The following INHBA variants were observed in gnomAD, a reference collection of about 807,000 sequenced individuals.
The protein encoded by INHBA is inhibin subunit beta A.
A neutral mutation model predicts 29.0 loss-of-function variants in INHBA; 1 was observed. The observed-to-expected ratio is 0.03, with a 90% CI of 0.01 to 0.16. The LOEUF (loss-of-function observed/expected upper bound fraction) is 0.16. INHBA is among the 10% of genes least tolerant of loss of function. The pLI is 1.00. For missense variants in INHBA, 376 were observed against 545.4 expected (o/e 0.69, Z 3.09); for synonymous variants, 242 against 216.8 (o/e 1.12, Z -1.02).
chr7:41,688,304 A>G lies in INHBA; in HGVS notation c.*1346T>C, dbSNP rs2128668840. On this transcript the variant is annotated 3_prime_UTR_variant, in exon 3 of 3. Coordinates refer to ENST00000242208, the MANE Select transcript of INHBA (RefSeq NM_002192.4). ...TGAATTTGATTGAACTTGATATCCAACAGTGTACAACTACTGTACATCCAG... is the reference window on the plus strand; with the variant it reads ...TGAATTTGATTGAACTTGATATCCAGCAGTGTACAACTACTGTACATCCAG... The G allele has an allele frequency of 6.6e-6, 1 of 152,294 alleles. No individual in the cohort carries two copies. 9.4% of individuals were successfully genotyped at this position (152,294 alleles called of 1,614,324 possible).
In INHBA at chr7:41,690,000, C is replaced by G. The variant is rs35168740; in HGVS notation, c.931G>C (p.Gly311Arg). The G allele has an allele frequency of 6.2e-7, 1 of 1,614,076 alleles. No individual in the cohort carries two copies. Among genetic ancestry groups the G allele is most frequent in the Non-Finnish European group, 8.5e-7 (1 of 1,180,044 alleles). Residue 311 changes from glycine (G) to arginine (R), a missense_variant, in exon 3 of 3, where the codon GGC (glycine) becomes CGC (arginine). Gly to Arg is a moderately radical substitution (Grantham distance 125). Transcript: ENST00000242208. ...EDHPHRRRRR[G>R]LECDGKVNIC... ...TTGACCTTGCCATCACACTCCAAGC[C>G]CCGCCGACGCCGGCGATGAGGGTGG...
chr7:41,689,502 A>C lies in INHBA; in HGVS notation c.*148T>G. The C allele has an allele frequency of 1.4e-6, 1 of 739,680 alleles. No individual in the cohort carries two copies. Among genetic ancestry groups the C allele is most frequent in the Non-Finnish European group, 2.0e-6 (1 of 506,436 alleles). 45.8% of individuals were successfully genotyped at this position (739,680 alleles called of 1,614,324 possible). A position where few individuals can be genotyped will look rare whatever the true frequency, so the allele number is the denominator to read the frequency against. ...ATCTGTTTCATCAGGTTTTGTTTTT[A>C]ATTTACTTTTGTTTTTTTTTGTTTT... On this transcript the variant is annotated 3_prime_UTR_variant, in exon 3 of 3. Coordinates refer to ENST00000242208, the MANE Select transcript of INHBA (RefSeq NM_002192.4).
At position 41,688,046 on chromosome 7, in the gene INHBA, T is replaced by C. The variant is rs776101368; in HGVS notation, c.*1604A>G. 1 of 152,164 alleles carries C rather than the reference T, an allele frequency of 6.6e-6. No homozygotes were observed. The highest frequency in any genetic ancestry group is 2.1e-4 in the South Asian group (1 of 4,832). The allele number at this position is 152,164 out of a possible 1,614,324, so 9.4% of individuals were successfully genotyped here. ...ACTGGAATTTCCAGGCTTTTTCCCA[T>C]CCGAATTTTTGAAATGCGCCCACCT... On this transcript the variant is annotated 3_prime_UTR_variant, in exon 3 of 3. Transcript: ENST00000242208.
chr7:41,697,884 T>C (rs1023145120), intron 2 of INHBA, among the ~76,000 whole-genome samples: 2 of 152,198 alleles, frequency 1.3e-5, no homozygotes, highest in African/African-American at 2.4e-5. Context: ...ATTAAATACA[T>C]GAAATTACAT....
chr7:41,701,480 A>G (rs746246367), intron 1 of INHBA, among the ~76,000 whole-genome samples: 14 of 152,312 alleles, frequency 9.2e-5, no homozygotes, highest in Middle Eastern at 3.4e-3. Context: ...TTGGGGTCAT[A>G]TAATACACTC....
rs544361953 is a variant in INHBA at position 41,686,388 on chromosome 7, T to A, written c.*3262A>T. The A allele has an allele frequency of 6.6e-6, 1 of 152,246 alleles. No homozygotes were observed. The highest frequency in any genetic ancestry group is 2.1e-4 in the South Asian group (1 of 4,832). The allele number at this position is 152,246 out of a possible 1,614,324, so 9.4% of individuals were successfully genotyped here. A position where few individuals can be genotyped will look rare whatever the true frequency, so the allele number is the denominator to read the frequency against. On this transcript the variant is annotated 3_prime_UTR_variant, in exon 3 of 3. Transcript: ENST00000242208. ...AGAAAGAGTGAGGAGATAGTAAGGT[T>A]AGATAGAGCCACTGAGTTTCAAGAA...
At chr7:41,703,239 T>C (rs1794832150), upstream of INHBA, 1 of 152,204 alleles carries the variant, frequency 6.6e-6, no homozygotes, top group South Asian at 2.1e-4. Context: ...CATAATTCAT[T>C]ATCTAATGGA....
upstream of INHBA, among the ~76,000 whole-genome samples, chr7:41,704,236 G>T (rs1020208485): frequency 2.6e-5 from 4 of 152,130 alleles, no homozygotes; most frequent in African/African-American, 9.7e-5. Context: ...TAGGACACCA[G>T]AAGTTTTCTG....
At chr7:41,699,736 C>T (rs1252322214) in intron 2 of INHBA, among the ~76,000 whole-genome samples, 3 of 152,088 alleles carry the variant, frequency 2.0e-5, no homozygotes, top group Admixed American at 6.5e-5. Flanking sequence ...GTGTGACCCG[C>T]TGGGTTTAGT....
rs557188738 is a variant in INHBA at position 41,700,498 on chromosome 7, T to C, written c.-124A>G. ...TTTTTTTTGGTGTTTTTTTTTTCCT[T>C]CTCCTCTTCAGCAAATTCTCTGGAA... On this transcript the variant is annotated 5_prime_UTR_variant, in exon 2 of 3. Coordinates refer to ENST00000242208, the MANE Select transcript of INHBA (RefSeq NM_002192.4). 13 of 946,890 alleles carry C rather than the reference T, an allele frequency of 1.4e-5. No individual in the cohort carries two copies. In the South Asian group the frequency reaches 2.6e-4, roughly 19 times the overall value. The allele number at this position is 946,890 out of a possible 1,614,324, so 58.7% of individuals were successfully genotyped here. A position where few individuals can be genotyped will look rare whatever the true frequency, so the allele number is the denominator to read the frequency against.
chr7:41,698,491 GA>G (rs962226611), intron 2 of INHBA, among the ~76,000 whole-genome samples: 24 of 150,644 alleles, frequency 1.6e-4, no homozygotes, highest in African/African-American at 5.1e-4. Context: ...GAAAAGTTGA[GA>G]AAAAAAAATG....
chr7:41,689,400 C>A lies in INHBA; in HGVS notation c.*250G>T, dbSNP rs376978623. The A allele has an allele frequency of 1.9e-5, 9 of 466,310 alleles. No homozygotes were observed. The South Asian group carries it at 2.7e-4, about 14-fold the overall frequency. The allele number at this position is 466,310 out of a possible 1,614,324, so 28.9% of individuals were successfully genotyped here. On this transcript the variant is annotated 3_prime_UTR_variant, in exon 3 of 3. Coordinates refer to ENST00000242208, the MANE Select transcript of INHBA (RefSeq NM_002192.4). The stretch of plus-strand genomic sequence containing the variant: ...AGAAATAAAGGGTACACCATTCTCC[C>A]TTTCCCTCCCAATTCCTGTCTCTTT...
At position 41,686,079 on chromosome 7, in the gene INHBA, T is replaced by G. The variant is rs1367079372; in HGVS notation, c.*3571A>C. 1 of 151,852 alleles carries G rather than the reference T, an allele frequency of 6.6e-6. No homozygotes were observed. The highest frequency in any genetic ancestry group is 2.1e-4 in the South Asian group (1 of 4,812). The allele number at this position is 151,852 out of a possible 1,614,324, so 9.4% of individuals were successfully genotyped here. A position where few individuals can be genotyped will look rare whatever the true frequency, so the allele number is the denominator to read the frequency against. On this transcript the variant is annotated 3_prime_UTR_variant, in exon 3 of 3. Transcript: ENST00000242208. ...CAATCCCACAATGGTGAAAAAAAAA[T>G]AGAAAGTATTTGTTCTACCTTTAAG...
At chr7:41,695,226 T>C (rs1229452158) in intron 2 of INHBA, among the ~76,000 whole-genome samples, 1 of 152,224 alleles carries the variant, frequency 6.6e-6, no homozygotes, top group Non-Finnish European at 1.5e-5. Context: ...TGGGCAATAG[T>C]TATGTCTCTA....
At chr7:41,704,810 GATA>G (rs1794878090), upstream of INHBA, among the ~76,000 whole-genome samples, 2 of 152,226 alleles carry the variant, frequency 1.3e-5, no homozygotes, top group East Asian at 1.9e-4. Flanking sequence ...GCAGCTGTCA[GATA>G]ATAATAAGTG....
chr7:41,690,231 C>T lies in INHBA; in HGVS notation c.700G>A (p.Gly234Ser). ...SSSIQRLLDQ[G>S]KSSLDVRIAC... The stretch of plus-strand genomic sequence containing the variant: ...ATCCGAACGTCCAGGGAGCTCTTGC[C>T]CTGGTCCAGCAACCGCTGGATGCTG... Residue 234 changes from glycine to serine, a missense_variant, in exon 3 of 3, where the codon GGC (glycine) becomes AGC (serine). Transcript: ENST00000242208. 6.2e-7 allele frequency: 1 copy of T among 1,613,990 alleles called. No individual in the cohort carries two copies. Among genetic ancestry groups the T allele is most frequent in the South Asian group, 1.1e-5 (1 of 91,070 alleles).
rs1230536176 is a variant in INHBA, at chr7:41,685,588, T to C, written c.*4062A>G. On this transcript the variant is annotated 3_prime_UTR_variant, in exon 3 of 3. Coordinates refer to ENST00000242208, the MANE Select transcript of INHBA (RefSeq NM_002192.4). Reference sequence around the variant, plus strand: ...CAGATTATCTTGGCTTTCATAATTATATTTTTCTTTTAAAGAAAAATATCA... The same window carrying C: ...CAGATTATCTTGGCTTTCATAATTACATTTTTCTTTTAAAGAAAAATATCA... The C allele has an allele frequency of 2.0e-5, 3 of 152,182 alleles. No homozygotes were observed. In the South Asian group the frequency reaches 6.2e-4, roughly 31 times the overall value. The allele number at this position is 152,182 out of a possible 1,614,324, so 9.4% of individuals were successfully genotyped here. A position where few individuals can be genotyped will look rare whatever the true frequency, so the allele number is the denominator to read the frequency against.
chr7:41,689,640 C>T lies in INHBA; in HGVS notation c.*10G>A. The T allele has an allele frequency of 1.3e-6, 2 of 1,544,302 alleles. No homozygotes were observed. Reference sequence around the variant, plus strand: ...AACTCTTGCTCCCTTTCCCCCTGGGCTGGGCAACTCTATGAGCACCCACAC... The same window carrying T: ...AACTCTTGCTCCCTTTCCCCCTGGGTTGGGCAACTCTATGAGCACCCACAC... On this transcript the variant is annotated 3_prime_UTR_variant, in exon 3 of 3. Coordinates refer to ENST00000242208, the MANE Select transcript of INHBA (RefSeq NM_002192.4).
Position 41,687,765 on chromosome 7 carries a change from T to C in INHBA, c.*1885A>G, listed in dbSNP as rs1366356016. The C allele has an allele frequency of 6.6e-6, 1 of 152,232 alleles. No homozygotes were observed. Among genetic ancestry groups the C allele is most frequent in the African/African-American group, 2.4e-5 (1 of 41,462 alleles). The allele number at this position is 152,232 out of a possible 1,614,324, so 9.4% of individuals were successfully genotyped here. A position where few individuals can be genotyped will look rare whatever the true frequency, so the allele number is the denominator to read the frequency against. On this transcript the variant is annotated 3_prime_UTR_variant, in exon 3 of 3. Transcript: ENST00000242208. ...TATTTTTCCCAGCTGGTACAGGTAATATTTCTCACAACCAAGCCTTAATCA... is the reference window on the plus strand; with the variant it reads ...TATTTTTCCCAGCTGGTACAGGTAACATTTCTCACAACCAAGCCTTAATCA...
Sources: allele counts gnomAD v4.1 joint callset (sites outside exome capture counted in the v4.1 genomes callset), GRCh38; gene constraint gnomAD v4.1.1; transcripts MANE v1.5; gene names NCBI Gene and HGNC (gene_info 2026-07-23, HGNC 2026-07-21).